ARHGAP40: variants seen among roughly 807,000 people sequenced by gnomAD.
ARHGAP40 encodes the protein rho GTPase-activating protein 40.
Under a neutral mutation model 73.5 loss-of-function variants are expected in ARHGAP40, and 43 were observed. The observed-to-expected ratio is 0.58, with a 90% CI of 0.46 to 0.75. ARHGAP40 has a LOEUF of 0.75. Ranked by LOEUF, ARHGAP40 falls within the 30% of genes least tolerant of loss-of-function variation. ARHGAP40 has a pLI of 0.00. For synonymous variants in ARHGAP40, 300 were observed against 352.8 expected (o/e 0.85, Z 1.68); for missense variants, 734 against 861.8 (o/e 0.85, Z 1.86).
chr20:38,619,099 G>GA (rs1449499642), intron 1 of ARHGAP40, among the ~76,000 whole-genome samples: 3 of 152,208 alleles, frequency 2.0e-5, no homozygotes, highest in Non-Finnish European at 2.9e-5. Flanking sequence ...TTAGGGATGA[G>GA]AAAGGTTGTA....
At chr20:38,627,039 G>A (rs572979805) in exon 3 of ARHGAP40, 4 of 1,305,086 alleles carry the variant, frequency 3.1e-6, no homozygotes, top group Non-Finnish European at 4.0e-6. Context: ...AGGCCTGTCG[G>A]GCCTCCTTGG....
At chr20:38,641,593 C>A in intron 9 of ARHGAP40, 133 bp from the exon 10 acceptor site, 1 of 527,018 alleles carries the variant, frequency 1.9e-6, no homozygotes. Context: ...GAAATAGTCC[C>A]ACACCTTATG....
At chr20:38,641,109 A>T (rs918712475) in intron 9 of ARHGAP40, among the ~76,000 whole-genome samples, 4 of 151,826 alleles carry the variant, frequency 2.6e-5, no homozygotes, top group African/African-American at 7.3e-5. Context: ...GGAAGGAAGG[A>T]AGGTAGGTAG....
chr20:38,616,270 G>A lies in ARHGAP40; in HGVS notation c.138-7089G>A, dbSNP rs569358077. ...GTAAAGCTTGGCACTGCCCAACAGC[G>A]GCTGTTGCTCTTCCAGCCTTCCCCA... On this transcript the variant is annotated intron_variant, in intron 1 of 14. Transcript: ENST00000373345. Among the ~76,000 whole-genome samples the A allele has an allele frequency of 9.8e-5, 15 of 152,336 alleles. No homozygotes were observed. In the East Asian group the frequency reaches 1.5e-3, roughly 16 times the overall value.
rs999367650 is a variant in ARHGAP40, at chr20:38,647,512, T to G, written c.1880+386T>G. 8.5e-4 allele frequency among the ~76,000 whole-genome samples: 130 copies of G among 152,288 alleles called. 1 individual carries two copies. The highest frequency in any genetic ancestry group is 3.1e-3 in the African/African-American group (128 of 41,554). On this transcript the variant is annotated intron_variant, in intron 13 of 14. Coordinates refer to ENST00000373345, the Ensembl canonical transcript of ARHGAP40. ...TTCAAGCGATTTTCCTGCCTCAGTC[T>G]CCCAAGTAGCTGGGATTACATGCAC...
rs980132967 is a variant in ARHGAP40 at position 38,630,392 on chromosome 20, A to T, written c.783+742A>T. 6.6e-5 allele frequency among the ~76,000 whole-genome samples: 10 copies of T among 151,830 alleles called. No individual in the cohort carries two copies. In the South Asian group the frequency reaches 1.0e-3, roughly 16 times the overall value. On this transcript the variant is annotated intron_variant, in intron 5 of 14. Coordinates refer to ENST00000373345, the Ensembl canonical transcript of ARHGAP40. Reference sequence around the variant, plus strand: ...ATGCCACCATGCCCAGCTAATTTTTAAAATTTTTTTTAGAGTTAGGTTCTT... The same window carrying T: ...ATGCCACCATGCCCAGCTAATTTTTTAAATTTTTTTTAGAGTTAGGTTCTT...
rs534080345 is a variant in ARHGAP40 at position 38,647,862 on chromosome 20, T to A, written c.1880+736T>A. ...CATAAGAAATGCAGGGAACAATGTG[T>A]CTGGAAGCCAAGGAAGCTGGTGTCA... On this transcript the variant is annotated intron_variant, in intron 13 of 14. Transcript: ENST00000373345. 2.6e-5 allele frequency among the ~76,000 whole-genome samples: 4 copies of A among 152,328 alleles called. No homozygotes were observed. In the South Asian group the frequency reaches 8.3e-4, roughly 32 times the overall value.
intron 4 of ARHGAP40, 49 bp downstream of exon 4, chr20:38,629,051 A>G (rs1248615378): frequency 2.4e-6 from 3 of 1,255,122 alleles, no homozygotes; most frequent in Non-Finnish European, 3.2e-6. Context: ...CAGGCTGCAT[A>G]AAGGGCTGCT....
intron 4 of ARHGAP40, 48 bp from the exon 5 acceptor site, chr20:38,629,454 C>A: frequency 7.7e-7 from 1 of 1,302,078 alleles, no homozygotes; most frequent in East Asian, 5.6e-5. Flanking sequence ...TGCTTCCTGG[C>A]AGCCAGTTCT....
At chr20:38,648,008 C>T (rs1390294471) in intron 13 of ARHGAP40, among the ~76,000 whole-genome samples, 2 of 152,148 alleles carry the variant, frequency 1.3e-5, no homozygotes, top group African/African-American at 4.8e-5. Flanking sequence ...GCCATCATTC[C>T]TAGGGTACAG....
intron 1 of ARHGAP40, among the ~76,000 whole-genome samples, chr20:38,622,649 A>G (rs1363621328): frequency 6.6e-6 from 1 of 152,160 alleles, no homozygotes. Flanking sequence ...AAAGGCTGCA[A>G]CTGGGACCTG....
intron 2 of ARHGAP40, 35 bp downstream of exon 2, chr20:38,623,593 G>A: frequency 7.2e-6 from 9 of 1,252,986 alleles, no homozygotes; most frequent in Non-Finnish European, 9.3e-6. Context: ...TAGGGGTGGT[G>A]GGAGGGCTTG....
Position 38,614,399 on chromosome 20 carries a change from G to A in ARHGAP40, c.138-8960G>A, listed in dbSNP as rs577405907. ...GTTGGGTCCATTTTTATTGTGGATC[G>A]GGGCTTAGAGCATAAGCACTGGTCA... On this transcript the variant is annotated intron_variant, in intron 1 of 14. Transcript: ENST00000373345. 6.6e-5 allele frequency among the ~76,000 whole-genome samples: 10 copies of A among 151,726 alleles called. No individual in the cohort carries two copies. In the South Asian group the frequency reaches 8.4e-4, roughly 13 times the overall value.
intron 2 of ARHGAP40, among the ~76,000 whole-genome samples, chr20:38,625,821 T>C (rs1166468056): frequency 2.0e-5 from 3 of 152,256 alleles, no homozygotes; most frequent in African/African-American, 7.2e-5. Flanking sequence ...GGATGCTCCA[T>C]TTATGGTGGG....
chr20:38,609,928 C>A (rs1351512735), intron 1 of ARHGAP40, among the ~76,000 whole-genome samples: 1 of 152,166 alleles, frequency 6.6e-6, no homozygotes. Context: ...CCCTTGAGTG[C>A]GTAATGGAAG....
Position 38,646,943 on chromosome 20 carries a change from C to G in ARHGAP40, c.1711-14C>G, listed in dbSNP as rs1371641823. ...CTCTTATGTATATGGATCTTTCTCT[C>G]TCTCTCTCTGCAGACTCCCAAGGTG... is the stretch of plus-strand genomic sequence containing the variant. On this transcript the variant is annotated splice_polypyrimidine_tract_variant and intron_variant, in intron 12 of 14. Coordinates refer to ENST00000373345, the Ensembl canonical transcript of ARHGAP40. This position sits in a 1 kb window ranked among gnomAD's most constrained non-coding sequence, Gnocchi z 4.5. 1 of 1,302,114 alleles carries G rather than the reference C, an allele frequency of 7.7e-7. No individual in the cohort carries two copies. The highest frequency in any genetic ancestry group is 1.5e-5 in the African/African-American group (1 of 65,760). The allele number at this position is 1,302,114 out of a possible 1,614,324, so 80.7% of individuals were successfully genotyped here.
chr20:38,645,633 TG>T (rs1201994747), intron 11 of ARHGAP40, among the ~76,000 whole-genome samples: 17 of 151,910 alleles, frequency 1.1e-4, no homozygotes, highest in Admixed American at 1.1e-3. Flanking sequence ...CAGAGAGGCA[TG>T]GGTTGATCTG....
intron 1 of ARHGAP40, among the ~76,000 whole-genome samples, chr20:38,621,632 G>A (rs1245782662): frequency 2.0e-5 from 3 of 152,218 alleles, no homozygotes; most frequent in Admixed American, 2.0e-4. Flanking sequence ...GCACACCAAA[G>A]TGTTAGCATG....
chr20:38,631,141 A>T (rs1601143980), intron 5 of ARHGAP40, among the ~76,000 whole-genome samples: 1 of 152,196 alleles, frequency 6.6e-6, no homozygotes, highest in Admixed American at 6.5e-5. Context: ...ACAATACCCC[A>T]TCTCTACAAA....
Sources: allele counts gnomAD v4.1 joint callset (sites outside exome capture counted in the v4.1 genomes callset), GRCh38; gene constraint gnomAD v4.1.1; non-coding constraint Gnocchi (gnomAD v3.1); transcripts MANE v1.5; gene names NCBI Gene and HGNC (gene_info 2026-07-23, HGNC 2026-07-21).